The following FHIT variants were observed in gnomAD, a reference collection of about 807,000 sequenced individuals.
FHIT encodes fragile histidine triad diadenosine triphosphatase, also known as bis(5'-adenosyl)-triphosphatase.
Under a neutral mutation model 17.9 loss-of-function variants are expected in FHIT, and 19 were observed. The ratio of observed to expected loss-of-function variants is 1.06; its 90% CI spans 0.74 to 1.56. FHIT has a LOEUF of 1.56. Ranked by LOEUF, FHIT falls within the 40% of genes most tolerant of loss-of-function variation. The pLI is 0.00. For synonymous variants in FHIT, 81 were observed against 69.7 expected, an observed-to-expected ratio of 1.16 and a Z score of -0.81; for missense variants, 248 against 189.2, an observed-to-expected ratio of 1.31 and a Z score of -1.82.
chr3:60,912,708 G>C (rs1372576090), intron 3 of FHIT: 3 of 508,520 alleles, frequency 5.9e-6, no homozygotes, highest in Non-Finnish European at 7.8e-6. Flanking sequence ...TATGTAACAA[G>C]CTTTACTAAC....
intron 1 of FHIT, among the ~76,000 whole-genome samples, chr3:61,232,535 A>G (rs2040132686): frequency 6.6e-6 from 1 of 152,232 alleles, no homozygotes; most frequent in Non-Finnish European, 1.5e-5. Flanking sequence ...TACCTAAACT[A>G]GAAGATAAAA....
At chr3:59,817,075 G>A (rs1357195696) in intron 8 of FHIT, among the ~76,000 whole-genome samples, 5 of 152,138 alleles carry the variant, frequency 3.3e-5, no homozygotes, top group Admixed American at 1.3e-4. Flanking sequence ...TGTGCTCTCC[G>A]CAGACCCCAG....
chr3:60,056,713 G>A (rs1337737629), intron 5 of FHIT, among the ~76,000 whole-genome samples: 1 of 152,146 alleles, frequency 6.6e-6, no homozygotes, highest in Non-Finnish European at 1.5e-5. Flanking sequence ...TTGCTGGCTT[G>A]GCAGGAAAAC....
chr3:60,766,849 C>A (rs775302477), intron 4 of FHIT, among the ~76,000 whole-genome samples: 501 of 152,240 alleles, frequency 3.3e-3, no homozygotes, highest in African/African-American at 0.011. Flanking sequence ...GATCCTTATC[C>A]CTGAAGAAGT....
intron 3 of FHIT, among the ~76,000 whole-genome samples, chr3:60,912,511 G>C (rs782422604): frequency 5.3e-5 from 8 of 152,188 alleles, no homozygotes; most frequent in Admixed American, 1.3e-4. Flanking sequence ...TTTGGCATGA[G>C]GATTATTTTG....
intron 4 of FHIT, among the ~76,000 whole-genome samples, chr3:60,557,522 A>T (rs1239715612): frequency 6.6e-6 from 1 of 151,930 alleles, no homozygotes; most frequent in African/African-American, 2.4e-5. Flanking sequence ...CTCAGAGTCC[A>T]TAAGGTGGCC....
chr3:60,245,965 CAA>C (rs1705375790), intron 5 of FHIT, among the ~76,000 whole-genome samples: 3 of 151,858 alleles, frequency 2.0e-5, no homozygotes, highest in African/African-American at 7.3e-5. Context: ...ATTGTAAAAT[CAA>C]AAGATATAAA....
intron 5 of FHIT, among the ~76,000 whole-genome samples, chr3:60,302,853 C>G (rs1380275474): frequency 6.6e-6 from 1 of 152,140 alleles, no homozygotes; most frequent in Non-Finnish European, 1.5e-5. Context: ...AATTTCTCAT[C>G]AAGCATCACT....
At chr3:60,463,846 A>T (rs2032625774) in intron 5 of FHIT, among the ~76,000 whole-genome samples, 1 of 152,232 alleles carries the variant, frequency 6.6e-6, no homozygotes, top group African/African-American at 2.4e-5. Flanking sequence ...GTAAGATTAA[A>T]TAATTGGCAC....
intron 3 of FHIT, among the ~76,000 whole-genome samples, chr3:60,867,022 A>G (rs782350428): frequency 1.8e-4 from 28 of 152,284 alleles, no homozygotes; most frequent in Non-Finnish European, 3.4e-4. Context: ...GTATTCGATC[A>G]CAAAGTATGC....
At chr3:61,124,927 G>T (rs2036565911) in intron 2 of FHIT, among the ~76,000 whole-genome samples, 1 of 151,988 alleles carries the variant, frequency 6.6e-6, no homozygotes. Context: ...TTATTTTATA[G>T]CCTCCATGCT....
At chr3:60,115,556 A>T (rs914635168) in intron 5 of FHIT, among the ~76,000 whole-genome samples, 1 of 152,184 alleles carries the variant, frequency 6.6e-6, no homozygotes, top group African/African-American at 2.4e-5. Flanking sequence ...CCTACATATC[A>T]AAATATTTAT....
At chr3:61,107,255 TTAG>T (rs1305623693) in intron 2 of FHIT, among the ~76,000 whole-genome samples, 1 of 152,180 alleles carries the variant, frequency 6.6e-6, no homozygotes, top group Non-Finnish European at 1.5e-5. Flanking sequence ...CTTATTTCAC[TTAG>T]TATAATGTCC....
intron 5 of FHIT, among the ~76,000 whole-genome samples, chr3:60,221,749 C>G (rs902690897): frequency 1.3e-5 from 2 of 152,118 alleles, no homozygotes; most frequent in African/African-American, 2.4e-5. Flanking sequence ...TCCCATAGAT[C>G]TTTTAATGAC....
intron 5 of FHIT, among the ~76,000 whole-genome samples, chr3:60,058,130 GTTTTTTTTTTT>G (rs71089573): frequency 0.016 from 1,074 of 66,436 alleles, 13 homozygotes; most frequent in Middle Eastern, 0.045. Context: ...ACAGAGTTGT[GTTTTTTTTTTT>G]TTTTTTTTTT....
chr3:60,132,821 T>C (rs1161615665), intron 5 of FHIT, among the ~76,000 whole-genome samples: 1 of 152,148 alleles, frequency 6.6e-6, no homozygotes, highest in Non-Finnish European at 1.5e-5. Flanking sequence ...CATAATATAG[T>C]AGAAAACTTT....
At chr3:59,914,754 T>G (rs1705051391) in intron 8 of FHIT, among the ~76,000 whole-genome samples, 1 of 152,174 alleles carries the variant, frequency 6.6e-6, no homozygotes, top group South Asian at 2.1e-4. Context: ...GCTTAATTCA[T>G]ATCTGTTTTA....
intron 5 of FHIT, among the ~76,000 whole-genome samples, chr3:60,446,001 A>G (rs1170104433): frequency 6.6e-6 from 1 of 152,124 alleles, no homozygotes; most frequent in Admixed American, 6.6e-5. Flanking sequence ...TATCCTAGAA[A>G]AAATAGACCT....
rs568145590 is a variant in FHIT, at chr3:60,273,591, A to C, written c.104-259439T>G. Among the ~76,000 whole-genome samples, 17 of 152,236 alleles carry C rather than the reference A, an allele frequency of 1.1e-4. No individual in the cohort carries two copies. In the South Asian group the frequency reaches 1.2e-3, roughly 11 times the overall value. On this transcript the variant is annotated intron_variant, in intron 5 of 9. Coordinates refer to ENST00000492590, the MANE Select transcript of FHIT (RefSeq NM_002012.4). ...ACCACTGCATTCCAGCCAGAGCAAC[A>C]GTGCAAGACTCCGTCGTCTCAAAAA...
Sources: gnomAD v4.1 joint callset for allele counts (sites outside exome capture counted in the v4.1 genomes callset) on GRCh38, gnomAD v4.1.1 for gene constraint, MANE v1.5 for transcripts, NCBI Gene and HGNC (gene_info 2026-07-23, HGNC 2026-07-21) for gene names.